MAPKAPK3: variants seen among roughly 807,000 people sequenced by gnomAD.
The protein encoded by MAPKAPK3 is MAP kinase-activated protein kinase 3.
MAPKAPK3 carries 35 observed loss-of-function variants against 49.2 expected under a neutral mutation model. The ratio of observed to expected loss-of-function variants is 0.71; its 90% CI spans 0.54 to 0.94. MAPKAPK3 has a LOEUF of 0.94. MAPKAPK3 is among the 40% of genes least tolerant of loss of function. The pLI is 0.00. For synonymous variants in MAPKAPK3, 178 were observed against 188.7 expected, an observed-to-expected ratio of 0.94 and a Z score of 0.46; for missense variants, 398 against 493.1, an observed-to-expected ratio of 0.81 and a Z score of 1.83.
intron 2 of MAPKAPK3, among the ~76,000 whole-genome samples, chr3:50,633,835 G>A (rs2032971668): frequency 1.3e-5 from 2 of 152,352 alleles, no homozygotes; most frequent in South Asian, 4.1e-4. Context: ...TTCCAAACAG[G>A]CAAATGGTGC....
At chr3:50,646,709 A>T in intron 8 of MAPKAPK3, 31 bp from the exon 9 acceptor site, 1 of 1,536,826 alleles carries the variant, frequency 6.5e-7, no homozygotes, top group Non-Finnish European at 9.0e-7. Context: ...CTGCAATCTC[A>T]TCTCTCCCCT....
At position 50,648,020 on chromosome 3, in the gene MAPKAPK3, G is replaced by T. The variant is rs2033347103; in HGVS notation, c.1123G>T (p.Ala375Ser). Reference sequence around the variant, plus strand: ...AAAAAAGCAGGCAGGCAGCTCCTCTGCCTCACAGGGCTGCAACAACCAGTA... The same window carrying T: ...AAAAAAGCAGGCAGGCAGCTCCTCTTCCTCACAGGGCTGCAACAACCAGTA... The part of the protein sequence containing the change: ...RRKKQAGSSS[A>S]SQGCNNQ Residue 375 changes from alanine to serine, a missense_variant, in exon 11 of 11, where the codon GCC becomes TCC. Around this residue, in one of 5 missense-constraint regions of MAPKAPK3, gnomAD observed 152 missense variants for 177.3 expected, o/e 0.86. Transcript: ENST00000621469. The T allele has an allele frequency of 2.5e-6, 4 of 1,613,626 alleles. No individual in the cohort carries two copies. Among genetic ancestry groups the T allele is most frequent in the Non-Finnish European group, 3.4e-6 (4 of 1,179,930 alleles).
chr3:50,630,399 TG>T (rs1355059913), intron 2 of MAPKAPK3, among the ~76,000 whole-genome samples: 4 of 152,246 alleles, frequency 2.6e-5, no homozygotes, highest in Non-Finnish European at 5.9e-5. Context: ...AGTTGAATCC[TG>T]GTTCCCAAAG....
At chr3:50,614,500 A>AGTGTGT (rs3066739), upstream of MAPKAPK3, among the ~76,000 whole-genome samples, 7,307 of 138,860 alleles carry the variant, frequency 0.053, 536 homozygotes, top group East Asian at 0.26. Flanking sequence ...GTAAGGACAG[A>AGTGTGT]GTGTGTGTGT....
At chr3:50,630,184 G>A (rs966175984) in intron 2 of MAPKAPK3, among the ~76,000 whole-genome samples, 6 of 152,228 alleles carry the variant, frequency 3.9e-5, no homozygotes, top group African/African-American at 1.4e-4. Flanking sequence ...GAGAAGGGAA[G>A]GGAAGGAGCC....
upstream of MAPKAPK3, among the ~76,000 whole-genome samples, chr3:50,616,214 T>C (rs2032461091): frequency 6.6e-6 from 1 of 152,040 alleles, no homozygotes; most frequent in Non-Finnish European, 1.5e-5. Context: ...GGGGGAGTGA[T>C]GTGATGTGCG....
Position 50,641,913 on chromosome 3 carries a change from A to G in MAPKAPK3, c.424+142A>G, listed in dbSNP as rs111597620. On this transcript the variant is annotated intron_variant, in intron 4 of 10. Coordinates refer to ENST00000621469, the MANE Select transcript of MAPKAPK3 (RefSeq NM_001243925.2). ...AGGGTGAGACTCAGTGTCCATCCCC[A>G]CAAGGGACTCTCTGAGTCTGAGACA... is the stretch of plus-strand genomic sequence containing the variant. The G allele has an allele frequency of 2.1e-3, 1,653 of 792,210 alleles. 12 individuals carry two copies. In the African/African-American group the frequency reaches 0.023, roughly 11 times the overall value. 49.1% of individuals were successfully genotyped at this position (792,210 alleles called of 1,614,324 possible).
In MAPKAPK3 at chr3:50,646,175, G is replaced by A. The variant is rs780822673; in HGVS notation, c.740G>A (p.Gly247Asp). ...CGFPPFYSNT[G>D]QAISPGMKRR... is the part of the protein sequence containing the mutation. Reference sequence around the variant, plus strand: ...TTCCCACCCTTCTACTCCAACACGGGCCAGGCCATCTCCCCGGGGATGAAG... The same window carrying A: ...TTCCCACCCTTCTACTCCAACACGGACCAGGCCATCTCCCCGGGGATGAAG... Residue 247 changes from glycine (G) to aspartate (D), a missense_variant, in exon 8 of 11, where the codon GGC (glycine) becomes GAC (aspartate). This residue lies in a region of MAPKAPK3 where 152 missense variants were observed against 177.3 expected (regional missense o/e 0.86). Coordinates refer to ENST00000621469, the MANE Select transcript of MAPKAPK3 (RefSeq NM_001243925.2). The A allele has an allele frequency of 1.2e-6, 2 of 1,614,080 alleles. No homozygotes were observed. Among genetic ancestry groups the A allele is most frequent in the East Asian group, 4.5e-5 (2 of 44,872 alleles).
At chr3:50,639,019 A>G (rs952325631) in intron 2 of MAPKAPK3, among the ~76,000 whole-genome samples, 1 of 152,154 alleles carries the variant, frequency 6.6e-6, no homozygotes, top group African/African-American at 2.4e-5. Context: ...CTCCTCATGC[A>G]TGCTGACTTC....
intron 7 of MAPKAPK3, 130 bp downstream of exon 7, chr3:50,645,915 C>A: frequency 1.0e-6 from 1 of 1,001,766 alleles, no homozygotes; most frequent in Non-Finnish European, 1.6e-6. Flanking sequence ...CTCATGCAGG[C>A]TGCCCTTCCC....
At chr3:50,633,668 A>T (rs935181236) in intron 2 of MAPKAPK3, among the ~76,000 whole-genome samples, 1 of 152,176 alleles carries the variant, frequency 6.6e-6, no homozygotes, top group East Asian at 1.9e-4. Context: ...TCCTGCAGCC[A>T]GGTGGCCACA....
intron 2 of MAPKAPK3, among the ~76,000 whole-genome samples, chr3:50,629,510 T>G (rs1490049189): frequency 6.6e-6 from 1 of 152,188 alleles, no homozygotes; most frequent in Admixed American, 6.5e-5. Context: ...TGTGGCTCCC[T>G]GGGAACAGGA....
At chr3:50,637,790 G>A (rs1439958437) in intron 2 of MAPKAPK3, among the ~76,000 whole-genome samples, 1 of 152,130 alleles carries the variant, frequency 6.6e-6, no homozygotes, top group Non-Finnish European at 1.5e-5. Context: ...CAAAAAGAGG[G>A]AGTTGACCCA....
intron 2 of MAPKAPK3, among the ~76,000 whole-genome samples, chr3:50,631,473 A>G (rs892339199): frequency 2.0e-5 from 3 of 152,164 alleles, no homozygotes; most frequent in African/African-American, 7.2e-5. Context: ...TGAGGCTGTG[A>G]CCCATTCTCT....
At chr3:50,635,810 A>G (rs1433497820) in intron 2 of MAPKAPK3, among the ~76,000 whole-genome samples, 1 of 151,508 alleles carries the variant, frequency 6.6e-6, no homozygotes, top group African/African-American at 2.4e-5. Context: ...ATTGATAGGC[A>G]CAGTGGCTCA....
At position 50,642,120 on chromosome 3, in the gene MAPKAPK3, C is replaced by A. The variant is rs540904941; in HGVS notation, c.425-133C>A. The A allele has an allele frequency of 7.6e-4, 516 of 682,864 alleles. 1 individual carries two copies. Among genetic ancestry groups the A allele is most frequent in the South Asian group, 1.3e-3 (79 of 59,214 alleles). 42.3% of individuals were successfully genotyped at this position (682,864 alleles called of 1,614,324 possible). ...GGCGTAGACATCCCGGGATAGAGAA[C>A]CTGGATAGCAGGAGTGCTGTCACTG... On this transcript the variant is annotated intron_variant, in intron 4 of 10. Transcript: ENST00000621469.
intron 2 of MAPKAPK3, among the ~76,000 whole-genome samples, chr3:50,628,621 C>T (rs1336351483): frequency 6.6e-6 from 1 of 152,160 alleles, no homozygotes; most frequent in Non-Finnish European, 1.5e-5. Context: ...AGGGGGCTCA[C>T]AGGTGGTCTC....
intron 2 of MAPKAPK3, among the ~76,000 whole-genome samples, chr3:50,636,095 A>G (rs138636117): frequency 6.6e-6 from 1 of 151,984 alleles, no homozygotes; most frequent in African/African-American, 2.4e-5. Context: ...TGGGTGACAG[A>G]GCAAGATTCT....
intron 2 of MAPKAPK3, among the ~76,000 whole-genome samples, chr3:50,637,234 G>A (rs979330142): frequency 3.7e-4 from 57 of 152,256 alleles, no homozygotes; most frequent in Non-Finnish European, 6.3e-4. Flanking sequence ...TTGTTTGCTC[G>A]GAAGCCCAGT....
Sources: allele counts gnomAD v4.1 joint callset (sites outside exome capture counted in the v4.1 genomes callset), GRCh38; gene constraint gnomAD v4.1.1; regional missense constraint gnomAD v4.1.1; transcripts MANE v1.5; gene names NCBI Gene and HGNC (gene_info 2026-07-23, HGNC 2026-07-21).